Variants in TENM4 observed in about 807,000 individuals in gnomAD.
TENM4 encodes the protein teneurin transmembrane protein 4, also known as teneurin-4.
Under a neutral mutation model 243.3 loss-of-function variants are expected in TENM4, and 82 were observed. The observed-to-expected ratio is 0.34, with a 90% CI of 0.28 to 0.40. The LOEUF (loss-of-function observed/expected upper bound fraction) is 0.40. Ranked by LOEUF, TENM4 falls within the 10% of genes least tolerant of loss-of-function variation. The pLI, the probability that TENM4 is intolerant of heterozygous loss-of-function variation, is 1.00. For synonymous variants in TENM4, 1,412 were observed against 1,456.3 expected (o/e 0.97, Z 0.69); for missense variants, 3,138 against 3,673.3 (o/e 0.85, Z 3.77).
At chr11:78,729,702 A>C in intron 21 of TENM4, 59 bp from the exon 22 acceptor site, 3 of 1,540,712 alleles carry the variant, frequency 1.9e-6, no homozygotes, top group Non-Finnish European at 2.6e-6. Context: ...AGTGGAGGGA[A>C]GATGGCGTGG....
chr11:79,201,876 G>A lies in TENM4; in HGVS notation c.-163+13932C>T, dbSNP rs540127014. On this transcript the variant is annotated intron_variant, in intron 3 of 33. Coordinates refer to ENST00000278550, the MANE Select transcript of TENM4 (RefSeq NM_001098816.3). ...AGTCATCAAGAGGTGCTAGGCTAGAGGCAGAGAGGCAGGGAGACACTGGGG... is the reference window on the plus strand; with the variant it reads ...AGTCATCAAGAGGTGCTAGGCTAGAAGCAGAGAGGCAGGGAGACACTGGGG... 5.9e-5 allele frequency among the ~76,000 whole-genome samples: 9 copies of A among 152,302 alleles called. No homozygotes were observed. The South Asian group carries it at 1.9e-3, about 32-fold the overall frequency.
chr11:79,095,268 G>A (rs1334274104), intron 4 of TENM4, among the ~76,000 whole-genome samples: 1 of 152,150 alleles, frequency 6.6e-6, no homozygotes, highest in Admixed American at 6.5e-5. Context: ...CTCTGAGAGG[G>A]CAGGTGCCTC....
intron 4 of TENM4, among the ~76,000 whole-genome samples, chr11:79,100,235 C>A (rs1180769328): frequency 6.6e-6 from 1 of 152,190 alleles, no homozygotes; most frequent in African/African-American, 2.4e-5. Flanking sequence ...CTTTTCTCAA[C>A]TTAAAAAGCT....
intron 6 of TENM4, among the ~76,000 whole-genome samples, chr11:79,030,566 T>C (rs1859202059): frequency 6.6e-6 from 1 of 152,064 alleles, no homozygotes. Context: ...AGCCTGTCCT[T>C]CTCAGGGTGT....
At position 79,248,135 on chromosome 11, in the gene TENM4, T is replaced by A. The variant is rs114363310; in HGVS notation, c.-264-32226A>T. On this transcript the variant is annotated intron_variant, in intron 2 of 33. Transcript: ENST00000278550. Reference sequence around the variant, plus strand: ...CTTAATGTCCCCATGTGTCCTCAGCTCCTCTGAGGCTCAGGCCCCTCAGAA... The same window carrying A: ...CTTAATGTCCCCATGTGTCCTCAGCACCTCTGAGGCTCAGGCCCCTCAGAA... 4.4e-3 allele frequency among the ~76,000 whole-genome samples: 672 copies of A among 152,186 alleles called. 7 individuals carry two copies. The highest frequency in any genetic ancestry group is 0.016 in the African/African-American group (646 of 41,526).
intron 27 of TENM4, among the ~76,000 whole-genome samples, chr11:78,705,313 G>A (rs563013664): frequency 3.3e-5 from 5 of 152,128 alleles, no homozygotes; most frequent in Non-Finnish European, 5.9e-5. Flanking sequence ...AAGAGAGGAA[G>A]GAATGTAGAG....
chr11:79,148,558 C>G (rs1565224341), intron 4 of TENM4, among the ~76,000 whole-genome samples, 152 bp downstream of exon 4: 1 of 151,746 alleles, frequency 6.6e-6, no homozygotes, highest in Admixed American at 6.6e-5. Context: ...ACTCTTTGTT[C>G]ATTGTTCTTA....
Position 78,805,277 on chromosome 11 carries a change from T to TGCCCCCCCCC in TENM4, c.2179+14_2179+15insGGGGGGGGGC. On this transcript the variant is annotated intron_variant, in intron 15 of 33. Coordinates refer to ENST00000278550, the MANE Select transcript of TENM4 (RefSeq NM_001098816.3). Reference sequence around the variant, plus strand: ...CCCCTCCCTCTACCCATGCTTCTTCTCCCCCTGCATTTACCGATAGAACAG... The same window carrying TGCCCCCCCCC: ...CCCCTCCCTCTACCCATGCTTCTTCTGCCCCCCCCCCCCCCTGCATTTACCGATAGAACAG... 7.5e-5 allele frequency: 105 copies of TGCCCCCCCCC among 1,402,458 alleles called. No individual in the cohort carries two copies. Among genetic ancestry groups the TGCCCCCCCCC allele is most frequent in the Middle Eastern group, 2.1e-4 (1 of 4,800 alleles). 86.9% of individuals were successfully genotyped at this position (1,402,458 alleles called of 1,614,324 possible).
intron 28 of TENM4, 49 bp downstream of exon 28, chr11:78,701,476 CA>C: frequency 6.6e-7 from 1 of 1,512,194 alleles, no homozygotes; most frequent in Non-Finnish European, 8.9e-7. Context: ...TCCAATCCTA[CA>C]ATGAATTAAT....
chr11:79,178,345 C>T (rs560451396), intron 3 of TENM4, among the ~76,000 whole-genome samples: 8 of 152,102 alleles, frequency 5.3e-5, no homozygotes, highest in East Asian at 1.9e-4. Context: ...TAAATCTGGG[C>T]GTCATCGATA....
chr11:79,351,776 T>C (rs757384516), intron 1 of TENM4, among the ~76,000 whole-genome samples: 8 of 152,330 alleles, frequency 5.3e-5, no homozygotes, highest in Admixed American at 3.9e-4. Flanking sequence ...AGACCAATCA[T>C]CTTCTCCATC....
chr11:79,046,429 T>A (rs1859660447), intron 6 of TENM4, among the ~76,000 whole-genome samples: 1 of 151,742 alleles, frequency 6.6e-6, no homozygotes, highest in Non-Finnish European at 1.5e-5. Flanking sequence ...GCTTGGCATC[T>A]GTTATGGGAT....
At chr11:79,334,303 G>A (rs1266875410) in intron 1 of TENM4, among the ~76,000 whole-genome samples, 1 of 152,216 alleles carries the variant, frequency 6.6e-6, no homozygotes, top group African/African-American at 2.4e-5. Context: ...GTCTCTGAAT[G>A]TGATCACCCT....
chr11:79,282,554 C>T (rs970513953), intron 2 of TENM4, among the ~76,000 whole-genome samples: 1 of 152,212 alleles, frequency 6.6e-6, no homozygotes, highest in African/African-American at 2.4e-5. Context: ...CAGCCAGTAA[C>T]ATTCTTTCCT....
At chr11:78,790,046 C>T (rs552916343) in intron 15 of TENM4, among the ~76,000 whole-genome samples, 1 of 152,296 alleles carries the variant, frequency 6.6e-6, no homozygotes, top group East Asian at 1.9e-4. Context: ...TTCATGTATT[C>T]TTCTAATAAT....
chr11:79,007,062 G>A (rs1279798950), intron 6 of TENM4, among the ~76,000 whole-genome samples: 4 of 152,184 alleles, frequency 2.6e-5, no homozygotes, highest in Non-Finnish European at 1.5e-5. Flanking sequence ...GGACGGCAAC[G>A]TTGGCTCTTC....
At chr11:79,413,929 A>C (rs981093656) in intron 1 of TENM4, among the ~76,000 whole-genome samples, 1 of 152,214 alleles carries the variant, frequency 6.6e-6, no homozygotes, top group African/African-American at 2.4e-5. Flanking sequence ...CATAGACGGC[A>C]AATATTTTAA....
At chr11:78,749,773 A>G (rs1478057621) in intron 19 of TENM4, among the ~76,000 whole-genome samples, 1 of 152,204 alleles carries the variant, frequency 6.6e-6, no homozygotes, top group Non-Finnish European at 1.5e-5. Flanking sequence ...GGTGGAATCA[A>G]GGTTATTTCA....
intron 3 of TENM4, among the ~76,000 whole-genome samples, chr11:79,197,331 A>ATCACCTGG (rs137994752): frequency 0.011 from 1,666 of 145,918 alleles, 28 homozygotes; most frequent in African/African-American, 0.04. Context: ...GCTCATTAGA[A>ATCACCTGG]TCACCTGGAA....
Sources: gnomAD v4.1 joint callset for allele counts (sites outside exome capture counted in the v4.1 genomes callset) on GRCh38, gnomAD v4.1.1 for gene constraint, MANE v1.5 for transcripts, NCBI Gene and HGNC (gene_info 2026-07-23, HGNC 2026-07-21) for gene names.